TENM3: variants seen among roughly 807,000 people sequenced by gnomAD.
TENM3 encodes teneurin transmembrane protein 3.
In TENM3, 63 loss-of-function variants were observed where a neutral mutation model predicts 255.1. The observed-to-expected ratio is 0.25, with a 90% CI of 0.20 to 0.30. The LOEUF is 0.30. TENM3 is among the 10% of genes least tolerant of loss of function. TENM3 has a pLI of 1.00. For missense variants in TENM3, 2,929 were observed against 3,461.1 expected, an observed-to-expected ratio of 0.85 and a Z score of 3.86; for synonymous variants, 1,306 against 1,322.3, an observed-to-expected ratio of 0.99 and a Z score of 0.27.
At chr4:182,585,468 G>A (rs889770186) in intron 3 of TENM3, among the ~76,000 whole-genome samples, 16 of 152,116 alleles carry the variant, frequency 1.1e-4, no homozygotes, top group African/African-American at 3.4e-4. Flanking sequence ...TGCCGCATTA[G>A]CATCCTTATA....
the TENM3 span, among the ~76,000 whole-genome samples, chr4:181,930,070 T>G: frequency 1.3e-5 from 2 of 152,178 alleles, no homozygotes; most frequent in Non-Finnish European, 2.9e-5. Flanking sequence ...AGGAGAAAGC[T>G]GGAAAGATCT....
chr4:181,748,174 G>A, the TENM3 span, among the ~76,000 whole-genome samples: 8 of 151,964 alleles, frequency 5.3e-5, no homozygotes, highest in African/African-American at 1.7e-4. Context: ...AAATATTGCT[G>A]TTGATGTTTC....
the TENM3 span, among the ~76,000 whole-genome samples, chr4:181,969,388 A>C: frequency 4.6e-5 from 7 of 152,232 alleles, no homozygotes; most frequent in Non-Finnish European, 7.3e-5. Context: ...TCAGTGATTT[A>C]ATGTGTCTGA....
At chr4:182,118,971 C>T in the TENM3 span, among the ~76,000 whole-genome samples, 2 of 152,094 alleles carry the variant, frequency 1.3e-5, no homozygotes, top group South Asian at 2.1e-4. Flanking sequence ...AGGCCATTAG[C>T]GATGTGGTGG....
the TENM3 span, among the ~76,000 whole-genome samples, chr4:181,943,111 G>A: frequency 0.14 from 20,616 of 152,022 alleles, 1,452 homozygotes; most frequent in East Asian, 0.17. Flanking sequence ...TAATTTTAGG[G>A]CAAAGGAAGG....
At chr4:182,659,073 G>A (rs1393650074) in intron 6 of TENM3, among the ~76,000 whole-genome samples, 4 of 152,190 alleles carry the variant, frequency 2.6e-5, no homozygotes, top group African/African-American at 9.6e-5. Flanking sequence ...TTCCTGGGGA[G>A]GGGAATTAAA....
chr4:182,106,980 C>T, the TENM3 span, among the ~76,000 whole-genome samples: 2 of 152,008 alleles, frequency 1.3e-5, no homozygotes, highest in Non-Finnish European at 2.9e-5. Flanking sequence ...GAGTTGTCCT[C>T]GGATTTCCCT....
chr4:181,949,283 A>G, the TENM3 span, among the ~76,000 whole-genome samples: 3 of 152,220 alleles, frequency 2.0e-5, no homozygotes, highest in Non-Finnish European at 4.4e-5. Flanking sequence ...TACTCTGTCC[A>G]TCATCTTCTT....
At chr4:182,584,971 A>G (rs1745871681) in intron 3 of TENM3, among the ~76,000 whole-genome samples, 2 of 152,164 alleles carry the variant, frequency 1.3e-5, no homozygotes, top group Admixed American at 1.3e-4. Flanking sequence ...TTTAGAAATG[A>G]AAACAGAATG....
intron 24 of TENM3, among the ~76,000 whole-genome samples, chr4:182,782,513 GA>G (rs1262998864): frequency 9.9e-6 from 1 of 101,078 alleles, no homozygotes; most frequent in Non-Finnish European, 1.8e-5. Flanking sequence ...GTGTGGTGCT[GA>G]AAAAAATGTA....
the TENM3 span, among the ~76,000 whole-genome samples, chr4:181,491,513 T>C: frequency 6.6e-6 from 1 of 152,062 alleles, no homozygotes; most frequent in Non-Finnish European, 1.5e-5. Context: ...ATTCCTCATA[T>C]TTCTCAACTA....
At chr4:182,225,329 G>A (rs2726817) in intron 1 of TENM3, among the ~76,000 whole-genome samples, 117,292 of 152,004 alleles carry the variant, frequency 0.77, 45,648 homozygotes, top group Middle Eastern at 0.84. Context: ...GAAAATATCA[G>A]TGACCTAGAG....
At chr4:182,744,555 A>G (rs1761865443) in intron 19 of TENM3, among the ~76,000 whole-genome samples, 1 of 152,190 alleles carries the variant, frequency 6.6e-6, no homozygotes, top group South Asian at 2.1e-4. Context: ...AACCCCTGAC[A>G]GGTTGGGTTT....
the TENM3 span, among the ~76,000 whole-genome samples, chr4:181,541,703 C>T: frequency 6.6e-6 from 1 of 152,226 alleles, no homozygotes; most frequent in Non-Finnish European, 1.5e-5. Flanking sequence ...TTCCAGGAAC[C>T]TCACTGATAT....
chr4:181,499,316 A>G, the TENM3 span, among the ~76,000 whole-genome samples: 1 of 152,226 alleles, frequency 6.6e-6, no homozygotes, highest in Non-Finnish European at 1.5e-5. Flanking sequence ...TAGAACTATA[A>G]TATAATAATT....
chr4:181,543,754 T>A, the TENM3 span, among the ~76,000 whole-genome samples: 1 of 152,224 alleles, frequency 6.6e-6, no homozygotes, highest in African/African-American at 2.4e-5. Context: ...TTTTAGTGTT[T>A]CGTATTAGGC....
chr4:182,711,644 C>T (rs1056035738), intron 12 of TENM3: 1 of 790,804 alleles, frequency 1.3e-6, no homozygotes, highest in Admixed American at 6.2e-5. Flanking sequence ...ACATATATAT[C>T]TCTATATAAC....
intron 16 of TENM3, among the ~76,000 whole-genome samples, chr4:182,736,004 G>A (rs1761132537): frequency 6.6e-6 from 1 of 152,142 alleles, no homozygotes; most frequent in Admixed American, 6.5e-5. Context: ...ATAAAAAAGT[G>A]TGAATTGATA....
the TENM3 span, among the ~76,000 whole-genome samples, chr4:182,111,314 G>GTAGT: frequency 6.8e-6 from 1 of 146,872 alleles, no homozygotes; most frequent in African/African-American, 2.5e-5. Flanking sequence ...CATACACTCT[G>GTAGT]TAGTACTCAG....
Sources: allele counts gnomAD v4.1 joint callset (sites outside exome capture counted in the v4.1 genomes callset), GRCh38; gene constraint gnomAD v4.1.1; transcripts MANE v1.5; gene names NCBI Gene and HGNC (gene_info 2026-07-23, HGNC 2026-07-21).